CNTN4: variants seen among roughly 807,000 people sequenced by gnomAD.
CNTN4 encodes the protein contactin-4.
In CNTN4, 77 loss-of-function variants were observed where a neutral mutation model predicts 122.5. The ratio of observed to expected loss-of-function variants is 0.63; its 90% CI spans 0.52 to 0.76. The LOEUF (loss-of-function observed/expected upper bound fraction) is 0.76, where lower values mean the gene tolerates loss of function less well. CNTN4 is among the 30% of genes least tolerant of loss of function. The pLI is 0.00. For synonymous variants in CNTN4, 512 were observed against 447.0 expected (o/e 1.15, Z -1.83); for missense variants, 1,256 against 1,259.1 (o/e 1.00, Z 0.04).
chr3:2,447,035 T>C (rs2048651955), intron 3 of CNTN4, among the ~76,000 whole-genome samples: 1 of 152,190 alleles, frequency 6.6e-6, no homozygotes, highest in Non-Finnish European at 1.5e-5. Flanking sequence ...TATTTTATCT[T>C]TCAATTTAAG....
chr3:2,168,703 C>G (rs929577691), intron 2 of CNTN4, among the ~76,000 whole-genome samples: 1 of 151,738 alleles, frequency 6.6e-6, no homozygotes, highest in Admixed American at 6.6e-5. Flanking sequence ...GTTTCTGATT[C>G]AAAAAAATGA....
chr3:2,845,722 T>A (rs1236481259), intron 7 of CNTN4, among the ~76,000 whole-genome samples: 1 of 152,186 alleles, frequency 6.6e-6, no homozygotes, highest in African/African-American at 2.4e-5. Context: ...AAAATCAGCA[T>A]GCCCATTCTA....
chr3:2,178,752 G>A (rs1377769933), intron 2 of CNTN4, among the ~76,000 whole-genome samples: 1 of 151,884 alleles, frequency 6.6e-6, no homozygotes, highest in African/African-American at 2.4e-5. Context: ...TGGGGGGTAG[G>A]TATTCTGTTA....
intron 4 of CNTN4, among the ~76,000 whole-genome samples, chr3:2,676,283 A>G (rs1054246134): frequency 2.0e-5 from 3 of 151,892 alleles, no homozygotes; most frequent in South Asian, 2.1e-4. Context: ...GTGCAGTGGC[A>G]TGCCTTTGGG....
chr3:2,774,659 A>G (rs1466366695), intron 6 of CNTN4, among the ~76,000 whole-genome samples: 1 of 152,178 alleles, frequency 6.6e-6, no homozygotes, highest in Admixed American at 6.5e-5. Flanking sequence ...AGGATGGGAC[A>G]GCAAATAGAA....
At chr3:2,298,411 T>A (rs1412250156) in intron 2 of CNTN4, among the ~76,000 whole-genome samples, 3 of 152,186 alleles carry the variant, frequency 2.0e-5, no homozygotes, top group African/African-American at 7.2e-5. Context: ...CTTATCAAAT[T>A]ATCTAATTAA....
chr3:2,467,655 G>A (rs2075550519), intron 3 of CNTN4, among the ~76,000 whole-genome samples: 1 of 152,102 alleles, frequency 6.6e-6, no homozygotes, highest in African/African-American at 2.4e-5. Flanking sequence ...CCTATAAACA[G>A]TAGTTATGCA....
At chr3:2,748,435 A>G (rs886183928) in intron 6 of CNTN4, among the ~76,000 whole-genome samples, 4 of 152,140 alleles carry the variant, frequency 2.6e-5, no homozygotes, top group African/African-American at 9.7e-5. Context: ...TCAATCAGAC[A>G]TAATGATTGT....
intron 3 of CNTN4, among the ~76,000 whole-genome samples, chr3:2,423,478 T>A (rs1456287608): frequency 1.3e-5 from 2 of 151,236 alleles, no homozygotes; most frequent in African/African-American, 4.9e-5. Context: ...GGGTGAAAAC[T>A]TGTTTTTTTT....
At chr3:2,226,540 A>C (rs1271456578) in intron 2 of CNTN4, among the ~76,000 whole-genome samples, 1 of 152,174 alleles carries the variant, frequency 6.6e-6, no homozygotes, top group Non-Finnish European at 1.5e-5. Flanking sequence ...CTTTAGAAAT[A>C]AGTGCCCTAT....
chr3:2,962,118 TGATTTTTGAATTCCCTCCAGGA>T (rs2125011747), intron 13 of CNTN4, among the ~76,000 whole-genome samples: 1 of 152,382 alleles, frequency 6.6e-6, no homozygotes, highest in East Asian at 1.9e-4. Flanking sequence ...CAACCCTATA[TGATTTTTGAATTCCCTCCAGGA>T]AAAACCTAAC....
At chr3:2,485,526 GTC>G (rs200674584) in intron 3 of CNTN4, among the ~76,000 whole-genome samples, 2,594 of 152,168 alleles carry the variant, frequency 0.017, 75 homozygotes, top group African/African-American at 0.058. Context: ...GAATCTTTTT[GTC>G]TAGCTTAGGG....
intron 3 of CNTN4, among the ~76,000 whole-genome samples, chr3:2,478,604 C>T (rs1482688208): frequency 3.9e-5 from 6 of 152,090 alleles, no homozygotes; most frequent in African/African-American, 1.2e-4. Context: ...CTCTGACAGG[C>T]TCCAGTTTGT....
chr3:2,413,575 C>T (rs929101003), intron 3 of CNTN4, among the ~76,000 whole-genome samples: 1 of 151,386 alleles, frequency 6.6e-6, no homozygotes, highest in African/African-American at 2.4e-5. Flanking sequence ...ACGGAGTCTC[C>T]CTTTGTTGCC....
chr3:2,758,692 A>C (rs1430315040), intron 6 of CNTN4, among the ~76,000 whole-genome samples: 1 of 151,884 alleles, frequency 6.6e-6, no homozygotes, highest in East Asian at 1.9e-4. Flanking sequence ...TTTTTAGTAG[A>C]GACGGGGTTT....
chr3:2,480,006 AAAG>A (rs140777608), intron 3 of CNTN4, among the ~76,000 whole-genome samples: 3,177 of 152,286 alleles, frequency 0.021, 56 homozygotes, highest in Non-Finnish European at 0.034. Flanking sequence ...TCAGTAGGCT[AAAG>A]AAGAAAAATT....
chr3:2,271,518 A>G (rs1189048672), intron 2 of CNTN4, among the ~76,000 whole-genome samples: 1 of 152,144 alleles, frequency 6.6e-6, no homozygotes, highest in Non-Finnish European at 1.5e-5. Flanking sequence ...CACCTATATC[A>G]TAGGTTTATT....
Position 3,053,590 on chromosome 3 carries a change from C to T in CNTN4, c.2812-217C>T, listed in dbSNP as rs568570837. 2.0e-5 allele frequency among the ~76,000 whole-genome samples: 3 copies of T among 152,206 alleles called. No homozygotes were observed. The East Asian group carries it at 5.8e-4, about 29-fold the overall frequency. On this transcript the variant is annotated intron_variant, in intron 23 of 24. Transcript: ENST00000418658. ...GTAGGTAGAATCACGTTGCTGATGC[C>T]CCTGATATAATATCCTTTCAGCTCT...
intron 12 of CNTN4, among the ~76,000 whole-genome samples, chr3:2,914,576 G>A (rs960370546): frequency 1.3e-5 from 2 of 152,188 alleles, no homozygotes; most frequent in African/African-American, 4.8e-5. Flanking sequence ...AACTGCTTAA[G>A]ACTGAGTCTT....
Sources: allele counts gnomAD v4.1 joint callset (sites outside exome capture counted in the v4.1 genomes callset), GRCh38; gene constraint gnomAD v4.1.1; transcripts MANE v1.5; gene names NCBI Gene and HGNC (gene_info 2026-07-23, HGNC 2026-07-21).